SLC4A10: variants seen among roughly 807,000 people sequenced by gnomAD.
SLC4A10 encodes solute carrier family 4 member 10.
A neutral mutation model predicts 137.7 loss-of-function variants in SLC4A10; 42 were observed. The observed-to-expected ratio is 0.30, with a 90% CI of 0.24 to 0.39. SLC4A10 has a LOEUF of 0.39. SLC4A10 is among the 10% of genes least tolerant of loss of function. The pLI, the probability that SLC4A10 is intolerant of heterozygous loss-of-function variation, is 1.00. For synonymous variants in SLC4A10, 474 were observed against 464.1 expected, an observed-to-expected ratio of 1.02 and a Z score of -0.27; for missense variants, 925 against 1,355.0, an observed-to-expected ratio of 0.68 and a Z score of 4.98.
chr2:161,935,247 C>A (rs1433759247), intron 15 of SLC4A10, among the ~76,000 whole-genome samples: 1 of 152,104 alleles, frequency 6.6e-6, no homozygotes, highest in Non-Finnish European at 1.5e-5. Context: ...GCCTCTGTGT[C>A]TATTTTTATG....
At chr2:161,816,898 G>A (rs2057128452) in intron 3 of SLC4A10, among the ~76,000 whole-genome samples, 1 of 152,064 alleles carries the variant, frequency 6.6e-6, no homozygotes, top group African/African-American at 2.4e-5. Context: ...ATTTGGGTTG[G>A]TTCCAAGTCT....
chr2:161,652,473 T>C (rs999694733), intron 1 of SLC4A10, among the ~76,000 whole-genome samples: 2 of 152,186 alleles, frequency 1.3e-5, no homozygotes, highest in Non-Finnish European at 2.9e-5. Flanking sequence ...TCAGAAGTAA[T>C]AACATATACA....
chr2:161,978,046 G>A (rs1158661705), intron 26 of SLC4A10, among the ~76,000 whole-genome samples: 1 of 152,088 alleles, frequency 6.6e-6, no homozygotes. Context: ...GTTAGTAATG[G>A]CATCAAATTT....
intron 10 of SLC4A10, among the ~76,000 whole-genome samples, chr2:161,883,403 C>A (rs1162245950): frequency 6.6e-6 from 1 of 152,098 alleles, no homozygotes; most frequent in Non-Finnish European, 1.5e-5. Flanking sequence ...ATAAATTCTT[C>A]AATCTGTCCA....
chr2:161,958,427 T>C, intron 20 of SLC4A10, 60 bp from the exon 21 acceptor site: 1 of 1,451,040 alleles, frequency 6.9e-7, no homozygotes, highest in Non-Finnish European at 9.6e-7. Flanking sequence ...CTTTGATAAA[T>C]GCAAAACCAC....
At chr2:161,853,600 G>T (rs1575291799) in intron 4 of SLC4A10, among the ~76,000 whole-genome samples, 1 of 152,280 alleles carries the variant, frequency 6.6e-6, no homozygotes, top group Non-Finnish European at 1.5e-5. Flanking sequence ...AGGTATTATG[G>T]CCCTGTTTAG....
intron 2 of SLC4A10, among the ~76,000 whole-genome samples, chr2:161,794,719 GC>G (rs1393529760): frequency 6.6e-6 from 1 of 152,088 alleles, no homozygotes; most frequent in Admixed American, 6.6e-5. Context: ...TAATCCTCCT[GC>G]TCTTCTCCCT....
intron 1 of SLC4A10, among the ~76,000 whole-genome samples, chr2:161,749,686 T>C (rs2048752529): frequency 6.6e-6 from 1 of 151,940 alleles, no homozygotes. Context: ...GGATTCTGCA[T>C]GTATATTCAT....
intron 1 of SLC4A10, among the ~76,000 whole-genome samples, chr2:161,688,827 G>A (rs2041695896): frequency 6.6e-6 from 1 of 152,054 alleles, no homozygotes; most frequent in South Asian, 2.1e-4. Context: ...TATAACAAAT[G>A]TTTCGGTCAT....
intron 15 of SLC4A10, among the ~76,000 whole-genome samples, chr2:161,912,868 A>G (rs902035641): frequency 6.6e-6 from 1 of 152,270 alleles, no homozygotes; most frequent in East Asian, 1.9e-4. Flanking sequence ...AGTGAATCAC[A>G]TAGTCTCAAG....
chr2:161,704,387 C>T (rs2125024535), intron 1 of SLC4A10, among the ~76,000 whole-genome samples: 1 of 151,738 alleles, frequency 6.6e-6, no homozygotes, highest in East Asian at 1.9e-4. Context: ...TAGATTTGAA[C>T]ATTTTTTATG....
chr2:161,857,077 G>T (rs533677464), intron 5 of SLC4A10, among the ~76,000 whole-genome samples: 2 of 152,136 alleles, frequency 1.3e-5, no homozygotes, highest in South Asian at 4.1e-4. Context: ...TTCCTATGAA[G>T]AAATTTTCTC....
chr2:161,701,898 A>C (rs2043158586), intron 1 of SLC4A10, among the ~76,000 whole-genome samples: 1 of 151,898 alleles, frequency 6.6e-6, no homozygotes, highest in Non-Finnish European at 1.5e-5. Flanking sequence ...AAAAGACAAA[A>C]AATAACGGAC....
intron 1 of SLC4A10, among the ~76,000 whole-genome samples, chr2:161,666,985 C>A (rs528917389): frequency 6.6e-6 from 1 of 151,488 alleles, no homozygotes; most frequent in Non-Finnish European, 1.5e-5. Flanking sequence ...ACATTTCTAA[C>A]GTTAAAAAAT....
At chr2:161,819,177 G>A (rs2057395614) in intron 3 of SLC4A10, among the ~76,000 whole-genome samples, 1 of 152,108 alleles carries the variant, frequency 6.6e-6, no homozygotes, top group East Asian at 1.9e-4. Flanking sequence ...TAAAAGAATA[G>A]GCCTTTAATA....
chr2:161,970,259 GT>G (rs1447165668), intron 23 of SLC4A10, among the ~76,000 whole-genome samples: 1 of 152,070 alleles, frequency 6.6e-6, no homozygotes, highest in Non-Finnish European at 1.5e-5. Flanking sequence ...TTACATTTAT[GT>G]ACTGATATGA....
chr2:161,881,951 G>T (rs2061821394), intron 9 of SLC4A10, among the ~76,000 whole-genome samples: 2 of 151,534 alleles, frequency 1.3e-5, no homozygotes, highest in African/African-American at 2.4e-5. Context: ...TGTTACCTTT[G>T]TCCCCTTTGA....
At chr2:161,829,327 T>C (rs183464008) in intron 3 of SLC4A10, among the ~76,000 whole-genome samples, 25 of 152,314 alleles carry the variant, frequency 1.6e-4, no homozygotes, top group Non-Finnish European at 3.1e-4. Flanking sequence ...CTACAGTTAA[T>C]GAATTGACCA....
In SLC4A10 at chr2:161,671,060, C is replaced by T. The variant is rs77928803; in HGVS notation, c.48+46494C>T. ...CGTTGGTAAATATCAGTTCTATGGT[C>T]TGAACGTGTCTCCCAAAATTCGTAT... On this transcript the variant is annotated intron_variant, in intron 1 of 26. Transcript: ENST00000446997. Among the ~76,000 whole-genome samples the T allele has an allele frequency of 6.6e-3, 999 of 152,226 alleles. 6 individuals carry two copies. The highest frequency in any genetic ancestry group is 0.023 in the African/African-American group (945 of 41,544).
Sources: allele counts gnomAD v4.1 joint callset (sites outside exome capture counted in the v4.1 genomes callset), GRCh38; gene constraint gnomAD v4.1.1; transcripts MANE v1.5; gene names NCBI Gene and HGNC (gene_info 2026-07-23, HGNC 2026-07-21).